The following GALNT7 variants were observed in gnomAD, a reference collection of about 807,000 sequenced individuals.
GALNT7 encodes polypeptide N-acetylgalactosaminyltransferase 7, also known as N-acetylgalactosaminyltransferase 7.
In GALNT7, 60 loss-of-function variants were observed where a neutral mutation model predicts 82.1. The observed-to-expected ratio is 0.73, with a 90% CI of 0.59 to 0.91. The LOEUF (loss-of-function observed/expected upper bound fraction) is 0.91, where lower values mean the gene tolerates loss of function less well. Among genes scored for constraint, GALNT7 ranks in the 40% least tolerant of loss-of-function variants. The pLI, the probability that GALNT7 is intolerant of heterozygous loss-of-function variation, is 0.00. For synonymous variants in GALNT7, 243 were observed against 275.1 expected (o/e 0.88, Z 1.15); for missense variants, 660 against 804.2 (o/e 0.82, Z 2.17).
intron 1 of GALNT7, among the ~76,000 whole-genome samples, chr4:173,245,802 A>G (rs1245998976): frequency 2.6e-5 from 4 of 152,168 alleles, no homozygotes; most frequent in African/African-American, 7.2e-5. Context: ...CGTGCCTTAC[A>G]CTTTACTTAG....
chr4:173,223,958 G>A (rs2126694459), intron 1 of GALNT7, among the ~76,000 whole-genome samples: 1 of 152,176 alleles, frequency 6.6e-6, no homozygotes. Context: ...TTGTTTCATC[G>A]CTGGTAATTG....
intron 2 of GALNT7, among the ~76,000 whole-genome samples, chr4:173,275,618 G>C (rs1053436285): frequency 1.3e-5 from 2 of 152,180 alleles, no homozygotes; most frequent in African/African-American, 4.8e-5. Context: ...CCAGCCCTAG[G>C]ATTCAGCCAT....
chr4:173,208,494 T>C (rs1733170157), intron 1 of GALNT7, among the ~76,000 whole-genome samples: 1 of 152,186 alleles, frequency 6.6e-6, no homozygotes, highest in South Asian at 2.1e-4. Context: ...GTCTACTTTA[T>C]AAAATGAGAA....
intron 6 of GALNT7, among the ~76,000 whole-genome samples, chr4:173,299,293 T>C (rs1736831521): frequency 6.6e-6 from 1 of 152,212 alleles, no homozygotes; most frequent in African/African-American, 2.4e-5. Context: ...TTACCAAATT[T>C]TTTTTGGTAA....
intron 1 of GALNT7, among the ~76,000 whole-genome samples, chr4:173,219,996 A>G (rs547660081): frequency 6.6e-6 from 1 of 152,246 alleles, no homozygotes; most frequent in South Asian, 2.1e-4. Context: ...TTTTAGTTCA[A>G]TTAAGTCCTG....
At chr4:173,212,403 A>G (rs1460424227) in intron 1 of GALNT7, among the ~76,000 whole-genome samples, 1 of 152,226 alleles carries the variant, frequency 6.6e-6, no homozygotes, top group African/African-American at 2.4e-5. Context: ...ATTTTTAAAA[A>G]GCATTTTAAA....
chr4:173,224,017 G>A (rs1733721687), intron 1 of GALNT7, among the ~76,000 whole-genome samples: 1 of 149,828 alleles, frequency 6.7e-6, no homozygotes, highest in South Asian at 2.1e-4. Context: ...CTTTTTTTTT[G>A]TAAATAACAA....
At chr4:173,272,490 T>C (rs1159302974) in intron 2 of GALNT7, among the ~76,000 whole-genome samples, 1 of 152,242 alleles carries the variant, frequency 6.6e-6, no homozygotes, top group Non-Finnish European at 1.5e-5. Flanking sequence ...TCAGTTGTTA[T>C]AATTCCATCC....
intron 2 of GALNT7, among the ~76,000 whole-genome samples, chr4:173,289,062 A>G (rs562703651): frequency 3.3e-5 from 5 of 152,252 alleles, no homozygotes; most frequent in Admixed American, 6.5e-5. Flanking sequence ...TCCTTGTGCC[A>G]GCACCCTGAC....
chr4:173,184,039 T>C (rs1364790627), intron 1 of GALNT7, among the ~76,000 whole-genome samples: 5 of 126,700 alleles, frequency 3.9e-5, no homozygotes, highest in Non-Finnish European at 8.4e-5. Flanking sequence ...TTCCAGACGA[T>C]GGGCGGCCGG....
intron 1 of GALNT7, among the ~76,000 whole-genome samples, chr4:173,205,597 T>C (rs1226994301): frequency 2.0e-5 from 3 of 152,074 alleles, no homozygotes; most frequent in Non-Finnish European, 2.9e-5. Flanking sequence ...ATGTCCAGAG[T>C]TGCCAGCCTG....
intron 8 of GALNT7, among the ~76,000 whole-genome samples, chr4:173,305,670 T>G (rs1443575451): frequency 6.6e-6 from 1 of 152,216 alleles, no homozygotes; most frequent in African/African-American, 2.4e-5. Context: ...TTCCCTCATG[T>G]GTTCTCAGCA....
chr4:173,297,933 C>A, intron 5 of GALNT7, 182 bp from the exon 6 acceptor site: 2 of 1,486,944 alleles, frequency 1.3e-6, no homozygotes, highest in Non-Finnish European at 8.9e-7. Flanking sequence ...TTCCTCTAAG[C>A]CACAAGGAAA....
rs1004764554 is a variant in GALNT7, at chr4:173,323,928, T to C, written c.*2211T>C. 3.3e-5 allele frequency: 5 copies of C among 152,560 alleles called. No individual in the cohort carries two copies. The highest frequency in any genetic ancestry group is 3.3e-4 in the Admixed American group (5 of 15,276). The allele number at this position is 152,560 out of a possible 1,614,324, so 9.5% of individuals were successfully genotyped here. A position where few individuals can be genotyped will look rare whatever the true frequency, so the allele number is the denominator to read the frequency against. On this transcript the variant is annotated 3_prime_UTR_variant, in exon 12 of 12. Transcript: ENST00000265000. Reference sequence around the variant, plus strand: ...GTATATCTTAATTCTGGGTTGCTTGTTTTTTAGGTGACAAAAATAAAATAT... The same window carrying C: ...GTATATCTTAATTCTGGGTTGCTTGCTTTTTAGGTGACAAAAATAAAATAT...
intron 2 of GALNT7, among the ~76,000 whole-genome samples, chr4:173,263,505 G>A (rs770835394): frequency 1.1e-4 from 16 of 151,910 alleles, no homozygotes; most frequent in East Asian, 1.9e-4. Context: ...ATAGATGGCC[G>A]GATAGTATGA....
chr4:173,214,298 A>G (rs1376097825), intron 1 of GALNT7, among the ~76,000 whole-genome samples: 2 of 152,088 alleles, frequency 1.3e-5, no homozygotes, highest in Non-Finnish European at 2.9e-5. Context: ...TAAAAAAAAA[A>G]AAAACCCTTA....
At chr4:173,246,068 G>A (rs1050701983) in intron 1 of GALNT7, among the ~76,000 whole-genome samples, 4 of 152,162 alleles carry the variant, frequency 2.6e-5, no homozygotes, top group African/African-American at 9.7e-5. Flanking sequence ...ACTTTGAAAT[G>A]CTCCCAAAAG....
rs916217867 is a variant in GALNT7, at chr4:173,189,240, A to G, written c.126+20279A>G. 3.9e-5 allele frequency among the ~76,000 whole-genome samples: 6 copies of G among 152,370 alleles called. 1 individual carries two copies. Among genetic ancestry groups the G allele is most frequent in the Admixed American group, 3.3e-4 (5 of 15,310 alleles). The stretch of plus-strand genomic sequence containing the variant: ...TAAAAATTCTACTGATAGTTAAAAT[A>G]GGTTTCCTAGAACAACCCCTGCTTG... On this transcript the variant is annotated intron_variant, in intron 1 of 11. Coordinates refer to ENST00000265000, the MANE Select transcript of GALNT7 (RefSeq NM_017423.3).
chr4:173,255,174 C>G (rs1190943791), intron 2 of GALNT7, among the ~76,000 whole-genome samples: 1 of 152,174 alleles, frequency 6.6e-6, no homozygotes, highest in Non-Finnish European at 1.5e-5. Flanking sequence ...ACTTGTTTCT[C>G]TAAACTTCCA....
Sources: gnomAD v4.1 joint callset for allele counts (sites outside exome capture counted in the v4.1 genomes callset) on GRCh38, gnomAD v4.1.1 for gene constraint, MANE v1.5 for transcripts, NCBI Gene and HGNC (gene_info 2026-07-23, HGNC 2026-07-21) for gene names.